CHRM3: variants seen among roughly 807,000 people sequenced by gnomAD.
The protein encoded by CHRM3 is muscarinic acetylcholine receptor M3.
In CHRM3, 11 loss-of-function variants were observed where a neutral mutation model predicts 41.8. The ratio of observed to expected loss-of-function variants is 0.26; its 90% confidence interval spans 0.17 to 0.44. The LOEUF is 0.44. Ranked by LOEUF, CHRM3 falls within the 20% of genes least tolerant of loss-of-function variation. The pLI is 1.00. For missense variants in CHRM3, 571 were observed against 745.4 expected (o/e 0.77, Z 2.72); for synonymous variants, 297 against 301.4 (o/e 0.99, Z 0.15).
intron 1 of CHRM3, among the ~76,000 whole-genome samples, chr1:239,420,398 G>C (rs1326518132): frequency 6.6e-6 from 1 of 152,172 alleles, no homozygotes; most frequent in African/African-American, 2.4e-5. Context: ...CAGAGTGTCT[G>C]AGAAAGTCGG....
chr1:239,859,769 C>T (rs1328716071), intron 6 of CHRM3, among the ~76,000 whole-genome samples: 3 of 146,904 alleles, frequency 2.0e-5, no homozygotes, highest in Non-Finnish European at 4.5e-5. Flanking sequence ...TTATGTAGTG[C>T]ATGCCGTATA....
chr1:239,512,137 A>G (rs1668963113), intron 2 of CHRM3, among the ~76,000 whole-genome samples: 1 of 152,144 alleles, frequency 6.6e-6, no homozygotes, highest in Admixed American at 6.6e-5. Context: ...GAGAAACAGG[A>G]ACCCAGGAAA....
rs548140750 is a variant in CHRM3, at chr1:239,462,471, T to A, written c.-520-30238T>A. ...AGAACATAAATACTTTTCTGTTTTGTTTTTATAATATAATGCATCCCAGGG... is the reference window on the plus strand; with the variant it reads ...AGAACATAAATACTTTTCTGTTTTGATTTTATAATATAATGCATCCCAGGG... On this transcript the variant is annotated intron_variant, in intron 1 of 6. Transcript: ENST00000676153. 2.0e-5 allele frequency among the ~76,000 whole-genome samples: 3 copies of A among 152,344 alleles called. No homozygotes were observed. The South Asian group carries it at 6.2e-4, about 32-fold the overall frequency.
At chr1:239,635,726 C>G (rs982911825) in intron 4 of CHRM3, among the ~76,000 whole-genome samples, 2 of 152,148 alleles carry the variant, frequency 1.3e-5, no homozygotes, top group African/African-American at 4.8e-5. Flanking sequence ...CGTTTATCTC[C>G]CATTATAATA....
intron 5 of CHRM3, among the ~76,000 whole-genome samples, chr1:239,785,881 A>G (rs144617224): frequency 6.6e-5 from 10 of 152,306 alleles, no homozygotes; most frequent in Middle Eastern, 3.4e-3. Flanking sequence ...TTCCTAAGGA[A>G]GGGACCAGAA....
chr1:239,463,425 C>T (rs183926752), intron 1 of CHRM3, among the ~76,000 whole-genome samples: 110 of 152,234 alleles, frequency 7.2e-4, no homozygotes, highest in African/African-American at 2.4e-3. Context: ...GCACCTCTGC[C>T]GTCTCACTCT....
Position 239,882,930 on chromosome 1 carries a change from C to T in CHRM3, c.-19-24503C>T, listed in dbSNP as rs530697076. 5.3e-5 allele frequency among the ~76,000 whole-genome samples: 8 copies of T among 152,354 alleles called. No homozygotes were observed. In the East Asian group the frequency reaches 1.5e-3, roughly 29 times the overall value. ...GTGATTTATACTCCTGGAGACTCAT[C>T]AGCCCAGGGGCGGCTCTTCGCAGAG... On this transcript the variant is annotated intron_variant, in intron 6 of 6. Coordinates refer to ENST00000676153, the MANE Select transcript of CHRM3 (RefSeq NM_001375978.1).
chr1:239,591,126 T>C (rs1300984204), intron 3 of CHRM3, among the ~76,000 whole-genome samples: 1 of 152,188 alleles, frequency 6.6e-6, no homozygotes, highest in Non-Finnish European at 1.5e-5. Context: ...TTCAAATATT[T>C]ATCTCTAGGC....
chr1:239,797,477 G>A (rs1669881106), intron 5 of CHRM3, among the ~76,000 whole-genome samples: 1 of 151,804 alleles, frequency 6.6e-6, no homozygotes, highest in Admixed American at 6.6e-5. Flanking sequence ...TATGAAAGTG[G>A]CTAGGCCCAC....
intron 4 of CHRM3, among the ~76,000 whole-genome samples, chr1:239,639,143 A>G (rs1416721601): frequency 1.3e-5 from 2 of 152,186 alleles, no homozygotes; most frequent in East Asian, 1.9e-4. Flanking sequence ...TGGTACCAGT[A>G]CCATGCTGTT....
At chr1:239,708,697 TTC>T (rs1219644595) in intron 5 of CHRM3, among the ~76,000 whole-genome samples, 1 of 151,652 alleles carries the variant, frequency 6.6e-6, no homozygotes, top group East Asian at 1.9e-4. Context: ...AAAGTTACTG[TTC>T]TATTCCTGGC....
chr1:239,534,768 T>A (rs971856002), intron 2 of CHRM3, among the ~76,000 whole-genome samples: 7 of 152,206 alleles, frequency 4.6e-5, no homozygotes, highest in African/African-American at 1.7e-4. Flanking sequence ...CATGGAACAT[T>A]TAGTATTTTA....
chr1:239,455,520 A>T (rs1664865980), intron 1 of CHRM3, among the ~76,000 whole-genome samples: 1 of 152,130 alleles, frequency 6.6e-6, no homozygotes, highest in Non-Finnish European at 1.5e-5. Flanking sequence ...GGTGATATTG[A>T]TGACATTGAA....
At chr1:239,817,359 T>G (rs185386540) in intron 5 of CHRM3, among the ~76,000 whole-genome samples, 1 of 152,300 alleles carries the variant, frequency 6.6e-6, no homozygotes, top group African/African-American at 2.4e-5. Flanking sequence ...TGCAAAACTA[T>G]CTTTCTCTTC....
chr1:239,629,735 CT>C (rs144456001), intron 3 of CHRM3, among the ~76,000 whole-genome samples: 2 of 152,112 alleles, frequency 1.3e-5, no homozygotes, highest in South Asian at 2.1e-4. Context: ...AATATCCTAC[CT>C]TTTTTTATGG....
intron 6 of CHRM3, among the ~76,000 whole-genome samples, chr1:239,854,291 A>T (rs1182101651): frequency 6.6e-6 from 1 of 152,074 alleles, no homozygotes; most frequent in Non-Finnish European, 1.5e-5. Flanking sequence ...TGTAATATTC[A>T]TTTATCCATT....
chr1:239,388,461 GA>G (rs1658727672), intron 1 of CHRM3, among the ~76,000 whole-genome samples: 2 of 152,148 alleles, frequency 1.3e-5, no homozygotes, highest in African/African-American at 4.8e-5. Flanking sequence ...TGGGTGCAGT[GA>G]TTATATAGTC....
intron 6 of CHRM3, among the ~76,000 whole-genome samples, chr1:239,906,093 C>T (rs778723925): frequency 1.3e-5 from 2 of 152,092 alleles, no homozygotes; most frequent in Non-Finnish European, 2.9e-5. Flanking sequence ...AAGTTCTCAC[C>T]TCCAGTAAGT....
rs1213758298 is a variant in CHRM3, at chr1:239,402,986, T to A, written c.-521+15759T>A. Among the ~76,000 whole-genome samples the A allele has an allele frequency of 3.9e-5, 6 of 152,212 alleles. No individual in the cohort carries two copies. In the South Asian group the frequency reaches 6.2e-4, roughly 16 times the overall value. ...TGGAATATTTTTGATGCGAGATTAG[T>A]TAAATTTACGGATGTGGAACCCACA... On this transcript the variant is annotated intron_variant, in intron 1 of 6. Coordinates refer to ENST00000676153, the MANE Select transcript of CHRM3 (RefSeq NM_001375978.1).
Sources: allele counts gnomAD v4.1 joint callset (sites outside exome capture counted in the v4.1 genomes callset), GRCh38; gene constraint gnomAD v4.1.1; transcripts MANE v1.5; gene names NCBI Gene and HGNC (gene_info 2026-07-23, HGNC 2026-07-21).